Variants in TSHZ2 observed in about 807,000 individuals in gnomAD.
TSHZ2 encodes teashirt homolog 2.
Under a neutral mutation model 74.4 loss-of-function variants are expected in TSHZ2, and 21 were observed. That is an observed-to-expected ratio of 0.28 (90% CI 0.20 to 0.41). The LOEUF is 0.41. TSHZ2 is among the 10% of genes least tolerant of loss of function. The pLI, the probability that TSHZ2 is intolerant of heterozygous loss-of-function variation, is 1.00. For missense variants in TSHZ2, 1,244 were observed against 1,293.5 expected (o/e 0.96, Z 0.59); for synonymous variants, 540 against 515.3 (o/e 1.05, Z -0.65).
Position 53,457,193 on chromosome 20 carries a change from T to A in TSHZ2, c.*9-29951T>A, listed in dbSNP as rs2145800271. ...TATTGATTCTTCCTACCCATGAGCATGGAATGTTCTTCCAGTTGTTTGTAT... is the reference window on the plus strand; with the variant it reads ...TATTGATTCTTCCTACCCATGAGCAAGGAATGTTCTTCCAGTTGTTTGTAT... On this transcript the variant is annotated intron_variant, in intron 2 of 2. Transcript: ENST00000371497. Among the ~76,000 whole-genome samples, 2 of 144,804 alleles carry A rather than the reference T, an allele frequency of 1.4e-5. 1 individual carries two copies. Among genetic ancestry groups the A allele is most frequent in the African/African-American group, 5.3e-5 (2 of 37,394 alleles). 95.0% of individuals were successfully genotyped at this position (144,804 alleles called of 152,430 possible).
At chr20:53,462,683 A>T (rs1004783066) in intron 2 of TSHZ2, among the ~76,000 whole-genome samples, 3 of 152,240 alleles carry the variant, frequency 2.0e-5, no homozygotes, top group African/African-American at 7.2e-5. Flanking sequence ...GCTGCTCAAC[A>T]GCTGATTTGG....
At chr20:53,252,625 A>G (rs777153895) in intron 1 of TSHZ2, among the ~76,000 whole-genome samples, 2 of 152,236 alleles carry the variant, frequency 1.3e-5, no homozygotes, top group African/African-American at 2.4e-5. Flanking sequence ...AAGGGAAAGC[A>G]TGCATCCCCA....
intron 1 of TSHZ2, among the ~76,000 whole-genome samples, chr20:53,048,945 A>T (rs2123120758): frequency 6.6e-6 from 1 of 152,350 alleles, no homozygotes; most frequent in South Asian, 2.1e-4. Flanking sequence ...CCAGCTGGCC[A>T]GTAAACCAGG....
chr20:53,242,054 G>A (rs1231314540), intron 1 of TSHZ2, among the ~76,000 whole-genome samples: 2 of 152,192 alleles, frequency 1.3e-5, no homozygotes, highest in African/African-American at 4.8e-5. Flanking sequence ...TTGCTTCATT[G>A]ACAACTAGAA....
chr20:53,115,790 G>A (rs921633995), intron 1 of TSHZ2, among the ~76,000 whole-genome samples: 6 of 152,168 alleles, frequency 3.9e-5, no homozygotes, highest in Admixed American at 3.3e-4. Context: ...CAGGTGAGCA[G>A]TTGCAAAGGC....
intron 2 of TSHZ2, among the ~76,000 whole-genome samples, chr20:53,269,290 G>A (rs1990780625): frequency 6.8e-6 from 1 of 146,898 alleles, no homozygotes; most frequent in South Asian, 2.3e-4. Flanking sequence ...AATGGATGGT[G>A]CCACTTTATT....
intron 2 of TSHZ2, among the ~76,000 whole-genome samples, chr20:53,437,145 G>A (rs762346966): frequency 8.5e-5 from 13 of 152,220 alleles, no homozygotes; most frequent in South Asian, 2.1e-4. Flanking sequence ...TTATAATCAC[G>A]TGTGTGTTAG....
chr20:53,207,020 G>A (rs1366665738), intron 1 of TSHZ2, among the ~76,000 whole-genome samples: 1 of 152,150 alleles, frequency 6.6e-6, no homozygotes, highest in Non-Finnish European at 1.5e-5. Context: ...GATTTCTTAT[G>A]CCACCCCTTA....
At chr20:53,025,096 T>G (rs1455328590) in intron 1 of TSHZ2, among the ~76,000 whole-genome samples, 2 of 151,930 alleles carry the variant, frequency 1.3e-5, no homozygotes, top group East Asian at 3.9e-4. Flanking sequence ...AATGGAAATT[T>G]GAAAAGAATT....
chr20:53,073,084 T>C (rs1349299533), intron 1 of TSHZ2, among the ~76,000 whole-genome samples: 1 of 140,646 alleles, frequency 7.1e-6, no homozygotes, highest in African/African-American at 2.7e-5. Flanking sequence ...ATTCCTTTAT[T>C]CATCTATCCC....
chr20:53,176,337 C>T (rs1472419399), intron 1 of TSHZ2, among the ~76,000 whole-genome samples: 2 of 152,214 alleles, frequency 1.3e-5, no homozygotes, highest in African/African-American at 4.8e-5. Context: ...CTGTAGCCAG[C>T]AGGTGTCAGA....
intron 1 of TSHZ2, among the ~76,000 whole-genome samples, chr20:53,189,175 A>G (rs910966750): frequency 2.0e-5 from 3 of 152,234 alleles, no homozygotes; most frequent in African/African-American, 4.8e-5. Context: ...AGTTCTAGGG[A>G]AAAAGATTTC....
At chr20:53,357,014 C>A (rs1238216056) in intron 2 of TSHZ2, among the ~76,000 whole-genome samples, 2 of 152,182 alleles carry the variant, frequency 1.3e-5, no homozygotes, top group African/African-American at 4.8e-5. Context: ...TTGTCTTTTT[C>A]ACTATCATAA....
chr20:53,156,733 C>T (rs112544318), intron 1 of TSHZ2, among the ~76,000 whole-genome samples: 1 of 152,176 alleles, frequency 6.6e-6, no homozygotes, highest in Non-Finnish European at 1.5e-5. Context: ...GACCAAATGT[C>T]GTGATTTCTA....
At chr20:53,037,387 C>T (rs1983861129) in intron 1 of TSHZ2, among the ~76,000 whole-genome samples, 6 of 152,204 alleles carry the variant, frequency 3.9e-5, no homozygotes. Flanking sequence ...TTAGCGTTTT[C>T]TCCTGCGACT....
At chr20:53,109,591 A>G (rs879395839) in intron 1 of TSHZ2, among the ~76,000 whole-genome samples, 1 of 152,054 alleles carries the variant, frequency 6.6e-6, no homozygotes, top group Non-Finnish European at 1.5e-5. Flanking sequence ...AAGTACTGCA[A>G]TATTGTGCAC....
At chr20:53,390,824 T>C (rs1405865386) in intron 2 of TSHZ2, among the ~76,000 whole-genome samples, 1 of 152,254 alleles carries the variant, frequency 6.6e-6, no homozygotes, top group Non-Finnish European at 1.5e-5. Context: ...GTTTCTTGAC[T>C]TTTTAATGAT....
At chr20:53,370,518 T>C (rs1273833509) in intron 2 of TSHZ2, among the ~76,000 whole-genome samples, 2 of 152,202 alleles carry the variant, frequency 1.3e-5, no homozygotes, top group African/African-American at 4.8e-5. Flanking sequence ...CCCAGCACTT[T>C]GGAAGACCGA....
intron 1 of TSHZ2, among the ~76,000 whole-genome samples, chr20:53,230,140 G>A (rs1284535415): frequency 6.6e-6 from 1 of 151,876 alleles, no homozygotes; most frequent in Admixed American, 6.6e-5. Context: ...CTCAAAGAAT[G>A]GACATTGTTC....
Sources: gnomAD v4.1 joint callset for allele counts (sites outside exome capture counted in the v4.1 genomes callset) on GRCh38, gnomAD v4.1.1 for gene constraint, MANE v1.5 for transcripts, NCBI Gene and HGNC (gene_info 2026-07-23, HGNC 2026-07-21) for gene names.